The following CNTNAP5 variants were observed in gnomAD, a reference collection of about 807,000 sequenced individuals.
CNTNAP5 encodes the protein contactin associated protein family member 5.
A neutral mutation model predicts 150.2 loss-of-function variants in CNTNAP5; 72 were observed. The observed-to-expected ratio is 0.48, with a 90% CI of 0.40 to 0.58. CNTNAP5 has a LOEUF of 0.58. Among genes scored for constraint, CNTNAP5 ranks in the 20% least tolerant of loss-of-function variants. The pLI, the probability that CNTNAP5 is intolerant of heterozygous loss-of-function variation, is 0.00. For missense variants in CNTNAP5, 1,636 were observed against 1,626.2 expected (o/e 1.01, Z -0.10); for synonymous variants, 672 against 619.8 (o/e 1.08, Z -1.25).
chr2:124,537,064 GAGAC>G lies in CNTNAP5; in HGVS notation c.1649+9612_1649+9615del, dbSNP rs757717602. 4.4e-3 allele frequency among the ~76,000 whole-genome samples: 672 copies of G among 151,716 alleles called. 5 individuals carry two copies. The highest frequency in any genetic ancestry group is 0.016 in the African/African-American group (650 of 41,144). On this transcript the variant is annotated intron_variant, in intron 10 of 23. Coordinates refer to ENST00000682447, the MANE Select transcript of CNTNAP5 (RefSeq NM_001367498.1). The stretch of plus-strand genomic sequence containing the variant: ...AGAGAGAGAGAGAGAAAGAGAGAGA[GAGAC>G]AGAGAGACTAATCTTCACCACAATG...
intron 3 of CNTNAP5, among the ~76,000 whole-genome samples, chr2:124,391,678 G>A (rs868169587): frequency 2.0e-5 from 3 of 152,222 alleles, no homozygotes; most frequent in Admixed American, 1.3e-4. Flanking sequence ...AAGGGAGGCC[G>A]GGCGTGCTGG....
At chr2:124,628,824 A>C (rs1558711106) in intron 12 of CNTNAP5, among the ~76,000 whole-genome samples, 1 of 152,232 alleles carries the variant, frequency 6.6e-6, no homozygotes, top group Non-Finnish European at 1.5e-5. Context: ...GACACATCTC[A>C]TGTCCAAAGA....
Position 124,869,606 on chromosome 2 carries a change from A to G in CNTNAP5, c.3349-69A>G, listed in dbSNP as rs1242193823. On this transcript the variant is annotated intron_variant, in intron 20 of 23. Coordinates refer to ENST00000682447, the MANE Select transcript of CNTNAP5 (RefSeq NM_001367498.1). ...ATGCATTTTTTCAAGCTATTTCCAG[A>G]TGGGATCGTTTTATGCTTCTTACCT... The G allele has an allele frequency of 8.1e-6, 8 of 988,010 alleles. No individual in the cohort carries two copies. The East Asian group carries it at 1.5e-4, about 18-fold the overall frequency. The allele number at this position is 988,010 out of a possible 1,614,324, so 61.2% of individuals were successfully genotyped here. A position where few individuals can be genotyped will look rare whatever the true frequency, so the allele number is the denominator to read the frequency against.
intron 1 of CNTNAP5, among the ~76,000 whole-genome samples, chr2:124,208,332 C>T (rs939231414): frequency 6.6e-6 from 1 of 152,262 alleles, no homozygotes; most frequent in African/African-American, 2.4e-5. Flanking sequence ...CATGTTATAT[C>T]CAGGATTCTT....
At chr2:124,781,120 C>T (rs568533909) in intron 17 of CNTNAP5, among the ~76,000 whole-genome samples, 2 of 152,310 alleles carry the variant, frequency 1.3e-5, no homozygotes, top group South Asian at 2.1e-4. Context: ...TTTCCCCACT[C>T]ACATTCTTTT....
At chr2:124,355,178 C>CA (rs1340280605) in intron 3 of CNTNAP5, among the ~76,000 whole-genome samples, 1 of 151,746 alleles carries the variant, frequency 6.6e-6, no homozygotes, top group African/African-American at 2.4e-5. Context: ...TAGATGTCTA[C>CA]AAAAAATAAT....
chr2:124,665,445 C>A (rs955342823), intron 13 of CNTNAP5, among the ~76,000 whole-genome samples: 1 of 152,198 alleles, frequency 6.6e-6, no homozygotes, highest in African/African-American at 2.4e-5. Context: ...ATGTCAACAT[C>A]AACTGACGAG....
rs773991989 is a variant in CNTNAP5, at chr2:124,625,543, T to G, written c.1876+15623T>G. ...GACTTTGGGATATATCTATATAAGG[T>G]GATTAGCACAGTGCTCAGTGCTTAA... is the stretch of plus-strand genomic sequence containing the variant. On this transcript the variant is annotated intron_variant, in intron 12 of 23. Transcript: ENST00000682447. Among the ~76,000 whole-genome samples, 3 of 152,302 alleles carry G rather than the reference T, an allele frequency of 2.0e-5. No homozygotes were observed. In the East Asian group the frequency reaches 5.8e-4, roughly 29 times the overall value.
At chr2:124,459,758 TAAA>T (rs11355936) in intron 6 of CNTNAP5, among the ~76,000 whole-genome samples, 25 of 113,412 alleles carry the variant, frequency 2.2e-4, no homozygotes, top group Non-Finnish European at 2.4e-4. Context: ...AATTCCTCTG[TAAA>T]AAAAAAAAAA....
chr2:124,851,826 G>A (rs999718028), intron 19 of CNTNAP5, among the ~76,000 whole-genome samples: 2 of 152,158 alleles, frequency 1.3e-5, no homozygotes, highest in African/African-American at 4.8e-5. Flanking sequence ...GATATAAAGT[G>A]GCTTATAAAC....
At chr2:124,026,656 T>G (rs143445734) in intron 1 of CNTNAP5, among the ~76,000 whole-genome samples, 4 of 152,260 alleles carry the variant, frequency 2.6e-5, no homozygotes, top group Admixed American at 2.0e-4. Context: ...AATTAAGCCA[T>G]CTGTGTTGTT....
chr2:124,317,566 T>C (rs1471966610), intron 3 of CNTNAP5, among the ~76,000 whole-genome samples: 1 of 152,136 alleles, frequency 6.6e-6, no homozygotes, highest in African/African-American at 2.4e-5. Context: ...AAACCATGTA[T>C]TCCAAATCTC....
intron 1 of CNTNAP5, among the ~76,000 whole-genome samples, chr2:124,152,140 G>A (rs1292780226): frequency 4.6e-5 from 7 of 152,096 alleles, no homozygotes; most frequent in Non-Finnish European, 1.5e-5. Flanking sequence ...TGCTGACTGC[G>A]CTCTACCTCA....
At chr2:124,681,599 T>C (rs1679069646) in intron 13 of CNTNAP5, among the ~76,000 whole-genome samples, 1 of 152,226 alleles carries the variant, frequency 6.6e-6, no homozygotes, top group Admixed American at 6.5e-5. Context: ...AGTTTCACAC[T>C]GTCGCTCAGG....
At chr2:124,512,983 C>A (rs1694627995) in intron 8 of CNTNAP5, among the ~76,000 whole-genome samples, 2 of 152,198 alleles carry the variant, frequency 1.3e-5, no homozygotes, top group African/African-American at 4.8e-5. Flanking sequence ...TTGATATTTT[C>A]TCAAGAAACC....
At chr2:124,519,271 A>G (rs554992191) in intron 8 of CNTNAP5, among the ~76,000 whole-genome samples, 59 of 152,268 alleles carry the variant, frequency 3.9e-4, no homozygotes, top group Non-Finnish European at 7.6e-4. Flanking sequence ...AATTGATTGT[A>G]GTGATTGTAT....
chr2:124,714,938 C>G (rs1429696782), intron 13 of CNTNAP5, among the ~76,000 whole-genome samples: 1 of 152,104 alleles, frequency 6.6e-6, no homozygotes, highest in Non-Finnish European at 1.5e-5. Flanking sequence ...TTCAGCAGAA[C>G]TCCAGCAATT....
intron 1 of CNTNAP5, among the ~76,000 whole-genome samples, chr2:124,203,053 C>A (rs1685768196): frequency 6.6e-6 from 1 of 152,070 alleles, no homozygotes; most frequent in South Asian, 2.1e-4. Flanking sequence ...CAAGGCAAGT[C>A]CCTTTTGCCT....
intron 11 of CNTNAP5, 115 bp downstream of exon 11, chr2:124,563,438 T>A: frequency 1.5e-6 from 1 of 664,024 alleles, no homozygotes; most frequent in Non-Finnish European, 2.7e-6. Context: ...TCATTCAGCA[T>A]GTGTGTTTTA....
Sources: gnomAD v4.1 joint callset for allele counts (sites outside exome capture counted in the v4.1 genomes callset) on GRCh38, gnomAD v4.1.1 for gene constraint, MANE v1.5 for transcripts, NCBI Gene and HGNC (gene_info 2026-07-23, HGNC 2026-07-21) for gene names.